The following ORC4 variants were observed in gnomAD, a reference collection of about 807,000 sequenced individuals.
The protein encoded by ORC4 is origin recognition complex subunit 4.
Under a neutral mutation model 63.9 loss-of-function variants are expected in ORC4, and 55 were observed. The observed-to-expected ratio is 0.86, with a 90% CI of 0.69 to 1.08. The LOEUF is 1.08. ORC4 is among the 50% of genes least tolerant of loss of function. ORC4 has a pLI of 0.00. For synonymous variants in ORC4, 150 were observed against 168.5 expected (o/e 0.89, Z 0.85); for missense variants, 511 against 504.4 (o/e 1.01, Z -0.13).
At position 147,961,578 on chromosome 2, in the gene ORC4, C is replaced by A. The variant is rs543041192; in HGVS notation, c.226-2712G>T. Reference sequence around the variant, plus strand: ...CACATACAACAAATTACAAAAGTAGCACAAGTCAAACAATGCTCATCTCTT... The same window carrying A: ...CACATACAACAAATTACAAAAGTAGAACAAGTCAAACAATGCTCATCTCTT... On this transcript the variant is annotated intron_variant, in intron 4 of 13. Coordinates refer to ENST00000392857, the MANE Select transcript of ORC4 (RefSeq NM_181741.4). Among the ~76,000 whole-genome samples, 14 of 152,162 alleles carry A rather than the reference C, an allele frequency of 9.2e-5. No homozygotes were observed. The South Asian group carries it at 1.9e-3, about 20-fold the overall frequency.
At chr2:147,970,586 T>C (rs1484734049) in intron 4 of ORC4, among the ~76,000 whole-genome samples, 11 of 145,852 alleles carry the variant, frequency 7.5e-5, no homozygotes, top group Admixed American at 4.8e-4. Context: ...GGATAAAAGA[T>C]AGTCTTTCTC....
intron 2 of ORC4, among the ~76,000 whole-genome samples, chr2:147,975,091 G>C (rs1046331975): frequency 2.0e-5 from 3 of 152,054 alleles, no homozygotes; most frequent in Non-Finnish European, 4.4e-5. Flanking sequence ...AGAAAGCCAA[G>C]TCGTATAAAA....
At chr2:148,011,786 A>T (rs781450853) in intron 1 of ORC4, among the ~76,000 whole-genome samples, 2 of 152,182 alleles carry the variant, frequency 1.3e-5, no homozygotes, top group Admixed American at 6.5e-5. Context: ...TCAACACACA[A>T]AAATCCATAG....
intron 1 of ORC4, among the ~76,000 whole-genome samples, chr2:148,020,368 A>G (rs1693624780): frequency 6.6e-6 from 1 of 151,986 alleles, no homozygotes; most frequent in Non-Finnish European, 1.5e-5. Flanking sequence ...CTCCTCACCT[A>G]CTACCCCGAT....
intron 9 of ORC4, among the ~76,000 whole-genome samples, chr2:147,947,003 T>G (rs1688693074): frequency 1.3e-5 from 2 of 152,052 alleles, no homozygotes; most frequent in Non-Finnish European, 2.9e-5. Flanking sequence ...ACTGCTTACA[T>G]GAGCAGACTA....
intron 1 of ORC4, among the ~76,000 whole-genome samples, chr2:147,988,004 G>A (rs1219671570): frequency 6.8e-6 from 1 of 146,858 alleles, no homozygotes; most frequent in Non-Finnish European, 1.5e-5. Flanking sequence ...AGTGAGCCAA[G>A]ATAGAGCCAC....
rs1247264440 is a variant in ORC4 at position 147,934,189 on chromosome 2, C to T, written c.*1321G>A. 6.6e-6 allele frequency: 1 copy of T among 152,146 alleles called. No homozygotes were observed. The highest frequency in any genetic ancestry group is 2.4e-5 in the African/African-American group (1 of 41,440). 9.4% of individuals were successfully genotyped at this position (152,146 alleles called of 1,614,324 possible). ...CATCTGTAAATAACTGCCTACATCT[C>T]ACAGGGCCTCTAATAGTTAAATAGA... On this transcript the variant is annotated 3_prime_UTR_variant, in exon 14 of 14. Transcript: ENST00000392857.
intron 1 of ORC4, among the ~76,000 whole-genome samples, chr2:147,984,739 C>G (rs1010769804): frequency 1.1e-4 from 16 of 152,180 alleles, no homozygotes; most frequent in African/African-American, 3.6e-4. Flanking sequence ...TGCCTATGTG[C>G]ATTTCCCCAT....
At chr2:147,991,523 A>G (rs554550890) in intron 1 of ORC4, among the ~76,000 whole-genome samples, 57 of 152,278 alleles carry the variant, frequency 3.7e-4, no homozygotes, top group African/African-American at 1.3e-3. Context: ...CAGTAAAGAA[A>G]GACATTTAGA....
At chr2:147,944,699 A>T (rs1432596802) in intron 9 of ORC4, among the ~76,000 whole-genome samples, 4 of 74,774 alleles carry the variant, frequency 5.3e-5, no homozygotes, top group South Asian at 3.2e-4. Context: ...GATTCTTTTA[A>T]AAAAAAAAAA....
intron 1 of ORC4, among the ~76,000 whole-genome samples, chr2:148,017,483 C>A (rs1039170785): frequency 5.9e-5 from 9 of 152,280 alleles, no homozygotes; most frequent in African/African-American, 2.2e-4. Context: ...ACCAGCCTAG[C>A]CAAAATGGTG....
chr2:147,961,418 C>T (rs1276360966), intron 4 of ORC4, among the ~76,000 whole-genome samples: 1 of 140,016 alleles, frequency 7.1e-6, no homozygotes, highest in African/African-American at 2.7e-5. Context: ...GCCTGGGCAA[C>T]AGAGTGAGAC....
intron 4 of ORC4, among the ~76,000 whole-genome samples, chr2:147,961,530 T>C (rs1306623801): frequency 6.6e-6 from 1 of 152,120 alleles, no homozygotes; most frequent in Non-Finnish European, 1.5e-5. Context: ...ATTCAATCTA[T>C]ATTTTCTCTC....
intron 11 of ORC4, 108 bp downstream of exon 11, chr2:147,939,032 T>G: frequency 1.4e-6 from 1 of 727,686 alleles, no homozygotes. Context: ...GATACGAAAG[T>G]ATTTTATAAA....
chr2:147,941,696 A>G (rs183705517), intron 10 of ORC4, among the ~76,000 whole-genome samples: 2 of 152,138 alleles, frequency 1.3e-5, no homozygotes, highest in Admixed American at 6.6e-5. Flanking sequence ...AAAATGTAAT[A>G]GAAAAATGGC....
chr2:148,021,521 T>G, upstream of ORC4: 1 of 572,194 alleles, frequency 1.7e-6, no homozygotes, highest in Non-Finnish European at 3.4e-6. Flanking sequence ...CTACTGCTGC[T>G]GCTTGGCCCT....
chr2:148,012,766 TA>T (rs1693046497), intron 1 of ORC4, among the ~76,000 whole-genome samples: 1 of 151,944 alleles, frequency 6.6e-6, no homozygotes, highest in African/African-American at 2.4e-5. Flanking sequence ...AATCTGATTT[TA>T]AAATGGGCAA....
At position 148,020,684 on chromosome 2, in the gene ORC4, T is replaced by G. The variant is rs995565231; in HGVS notation, c.-69A>C. 1 of 152,582 alleles carries G rather than the reference T, an allele frequency of 6.6e-6. No individual in the cohort carries two copies. Among genetic ancestry groups the G allele is most frequent in the Non-Finnish European group, 1.5e-5 (1 of 68,380 alleles). 9.5% of individuals were successfully genotyped at this position (152,582 alleles called of 1,614,324 possible). On this transcript the variant is annotated 5_prime_UTR_variant, in exon 1 of 14. Coordinates refer to ENST00000392857, the MANE Select transcript of ORC4 (RefSeq NM_181741.4). ...GCAGGAATCGCTTCACCGAATCGCC[T>G]GGCCGCGTCCTCTGCTAGACTTCAC...
At chr2:147,958,021 C>T (rs1234002033) in intron 6 of ORC4, among the ~76,000 whole-genome samples, 1 of 152,088 alleles carries the variant, frequency 6.6e-6, no homozygotes, top group Admixed American at 6.6e-5. Context: ...TCAAAGTATT[C>T]ACCTTACAGA....
Sources: allele counts gnomAD v4.1 joint callset (sites outside exome capture counted in the v4.1 genomes callset), GRCh38; gene constraint gnomAD v4.1.1; transcripts MANE v1.5; gene names NCBI Gene and HGNC (gene_info 2026-07-23, HGNC 2026-07-21).